The following PLCG1 variants were observed in gnomAD, a reference collection of about 807,000 sequenced individuals.
PLCG1 encodes phospholipase C gamma 1.
PLCG1 carries 71 observed loss-of-function variants against 177.8 expected under a neutral mutation model. The observed-to-expected ratio is 0.40, with a 90% CI of 0.33 to 0.49. The LOEUF is 0.49. Ranked by LOEUF, PLCG1 falls within the 20% of genes least tolerant of loss-of-function variation. The pLI is 0.72. For missense variants in PLCG1, 1,281 were observed against 1,709.0 expected, an observed-to-expected ratio of 0.75 and a Z score of 4.42; for synonymous variants, 658 against 647.9, an observed-to-expected ratio of 1.02 and a Z score of -0.24.
chr20:41,168,525 C>T (rs1169469873), intron 20 of PLCG1, among the ~76,000 whole-genome samples: 1 of 152,244 alleles, frequency 6.6e-6, no homozygotes, highest in Non-Finnish European at 1.5e-5. Context: ...CTTAAGGTTC[C>T]ACCTGGGTCC....
rs1402009869 is a variant in PLCG1 at position 41,165,603 on chromosome 20, G to A, written c.1612-36G>A. The A allele has an allele frequency of 6.2e-7, 1 of 1,611,928 alleles. No individual in the cohort carries two copies. The highest frequency in any genetic ancestry group is 8.5e-7 in the Non-Finnish European group (1 of 1,178,364). On this transcript the variant is annotated intron_variant, in intron 15 of 31. Coordinates refer to ENST00000685551, the MANE Select transcript of PLCG1 (RefSeq NM_002660.3). The surrounding 1 kb of genome is among the most constrained non-coding windows in gnomAD (Gnocchi z 6.6). ...CTGGGCCAGGTCAGGCCTGGGCCAGGGTCACAGTATCTTTGCTGTTGCCTT... is the reference window on the plus strand; with the variant it reads ...CTGGGCCAGGTCAGGCCTGGGCCAGAGTCACAGTATCTTTGCTGTTGCCTT...
At position 41,167,871 on chromosome 20, in the gene PLCG1, T is replaced by C. The variant is rs1343930332; in HGVS notation, c.2321T>C (p.Leu774Pro). The C allele has an allele frequency of 6.2e-7, 1 of 1,613,358 alleles. No homozygotes were observed. The highest frequency in any genetic ancestry group is 1.3e-5 in the African/African-American group (1 of 74,878). Residue 774 changes from leucine (L) to proline (P), a missense_variant, in exon 20 of 32, where the codon CTG (leucine) becomes CCG (proline). This residue lies in a region of PLCG1 where 723 missense variants were observed against 1,030.0 expected (regional missense o/e 0.70). Transcript: ENST00000685551. The surrounding 1 kb of genome is among the most constrained non-coding windows in gnomAD (Gnocchi z 4.4). The stretch of plus-strand genomic sequence containing the variant: ...TTCCAGGAGCCTGACTACGGGGCCC[T>C]GTATGAGGGACGCAACCCTGGCTTC... ...IGTAEPDYGALYEGRNPGFYV... is the reference protein window; with the variant it reads ...IGTAEPDYGAPYEGRNPGFYV...
Position 41,174,299 on chromosome 20 carries a change from G to A in PLCG1, c.3821G>A (p.Ser1274Asn). 7 of 1,613,776 alleles carry A rather than the reference G, an allele frequency of 4.3e-6. No individual in the cohort carries two copies. Among genetic ancestry groups the A allele is most frequent in the Middle Eastern group, 3.3e-4 (2 of 6,058 alleles). ...SQEHLADHFD[S>N]RERRAPRRTR... The stretch of plus-strand genomic sequence containing the variant: ...GAGCATCTCGCAGACCATTTTGACA[G>A]TCGAGAACGAAGGTGAGGAAGATGG... Residue 1274 changes from serine to asparagine, a missense_variant, in exon 31 of 32, where the codon AGT becomes AAT. Ser to Asn is a conservative substitution (Grantham distance 46, BLOSUM62 1). Around this residue, in one of 4 missense-constraint regions of PLCG1, gnomAD observed 153 missense variants for 153.2 expected, o/e 1.00. Coordinates refer to ENST00000685551, the MANE Select transcript of PLCG1 (RefSeq NM_002660.3). This position sits in a 1 kb window ranked among gnomAD's most constrained non-coding sequence, Gnocchi z 5.8.
Position 41,172,442 on chromosome 20 carries a change from G to C in PLCG1, c.2927G>C (p.Cys976Ser). 1 of 1,614,158 alleles carries C rather than the reference G, an allele frequency of 6.2e-7. No homozygotes were observed. The highest frequency in any genetic ancestry group is 8.5e-7 in the Non-Finnish European group (1 of 1,180,006). Residue 976 changes from cysteine to serine, a missense_variant, in exon 26 of 32, where the codon TGC becomes TCC. This residue lies in a region of PLCG1 where 723 missense variants were observed against 1,030.0 expected (regional missense o/e 0.70). Transcript: ENST00000685551. This position sits in a 1 kb window ranked among gnomAD's most constrained non-coding sequence, Gnocchi z 7.0. ...CCAGAGATTGGCACAGAACGTGCTT[G>C]CTACCGGGACATGTCATCCTTCCCG... is the stretch of plus-strand genomic sequence containing the variant. Reference protein sequence around the residue: ...DEEKIGTERACYRDMSSFPET... With the variant: ...DEEKIGTERASYRDMSSFPET...
chr20:41,141,150 G>C (rs575099499), intron 1 of PLCG1, among the ~76,000 whole-genome samples: 2 of 152,208 alleles, frequency 1.3e-5, no homozygotes, highest in South Asian at 4.1e-4. Flanking sequence ...GTCCATTTGA[G>C]GGTCTTTGTG....
intron 21 of PLCG1, 89 bp from the exon 22 acceptor site, chr20:41,168,990 G>A: frequency 8.2e-7 from 1 of 1,213,954 alleles, no homozygotes; most frequent in Non-Finnish European, 1.2e-6. Context: ...CCTCACCCTG[G>A]CTTAGGCATG....
chr20:41,173,967 G>C lies in PLCG1; in HGVS notation c.3601G>C (p.Glu1201Gln), dbSNP rs760496645. Residue 1201 changes from glutamate (E) to glutamine (Q), a missense_variant, in exon 30 of 32, where the codon GAG becomes CAG. Glu to Gln is a conservative substitution (Grantham distance 29). Transcript: ENST00000685551. This position sits in a 1 kb window ranked among gnomAD's most constrained non-coding sequence, Gnocchi z 6.2. ...GAAGAACAACTACAGTGAGGACCTG[G>C]AGTTGGCCTCCCTGCTGATCAAGAT... Reference protein sequence around the residue: ...PLKNNYSEDLELASLLIKIDI... With the variant: ...PLKNNYSEDLQLASLLIKIDI... 6.2e-7 allele frequency: 1 copy of C among 1,614,150 alleles called. No homozygotes were observed. Among genetic ancestry groups the C allele is most frequent in the South Asian group, 1.1e-5 (1 of 91,082 alleles).
In PLCG1 at chr20:41,167,382, G is replaced by T. The variant is rs761164900; in HGVS notation, c.2302-470G>T. 7.9e-5 allele frequency among the ~76,000 whole-genome samples: 12 copies of T among 152,190 alleles called. No homozygotes were observed. The highest frequency in any genetic ancestry group is 1.5e-4 in the Non-Finnish European group (10 of 68,042). Reference sequence around the variant, plus strand: ...GAAGATCAGTTGAGAGACTGCTGTCGTCAGTAGACAGGGCTGGCTGGGGAG... The same window carrying T: ...GAAGATCAGTTGAGAGACTGCTGTCTTCAGTAGACAGGGCTGGCTGGGGAG... On this transcript the variant is annotated intron_variant, in intron 19 of 31. Coordinates refer to ENST00000685551, the MANE Select transcript of PLCG1 (RefSeq NM_002660.3). The surrounding 1 kb of genome is among the most constrained non-coding windows in gnomAD (Gnocchi z 4.4).
At position 41,169,173 on chromosome 20, in the gene PLCG1, G is replaced by C. The variant is rs535930903; in HGVS notation, c.2578G>C (p.Glu860Gln). Reference protein sequence around the residue: ...VNPVALEPEREHLDENSPLGD... With the variant: ...VNPVALEPERQHLDENSPLGD... ...CCCCGTGGCCCTGGAGCCGGAGAGG[G>C]AGGTAAGACCAGAACCACCTGAGTA... The change falls in exon 22 of 32, where the codon GAG (glutamate) becomes CAG (glutamine). Residue 860 changes from glutamate to glutamine, a missense_variant and splice_region_variant. Glu to Gln is a conservative substitution (Grantham distance 29). This residue lies in a region of PLCG1 where 723 missense variants were observed against 1,030.0 expected (regional missense o/e 0.70). Transcript: ENST00000685551. 6.2e-7 allele frequency: 1 copy of C among 1,606,196 alleles called. No individual in the cohort carries two copies. Among genetic ancestry groups the C allele is most frequent in the Non-Finnish European group, 8.5e-7 (1 of 1,172,810 alleles).
In PLCG1 at chr20:41,172,800, A is replaced by G. The variant is rs754398342; in HGVS notation, c.3202A>G (p.Thr1068Ala). The G allele has an allele frequency of 6.2e-7, 1 of 1,614,154 alleles. No homozygotes were observed. Among genetic ancestry groups the G allele is most frequent in the South Asian group, 1.1e-5 (1 of 91,086 alleles). The change falls in exon 27 of 32, where the codon ACC becomes GCC. Residue 1068 changes from threonine to alanine, a missense_variant. Coordinates refer to ENST00000685551, the MANE Select transcript of PLCG1 (RefSeq NM_002660.3). This position sits in a 1 kb window ranked among gnomAD's most constrained non-coding sequence, Gnocchi z 7.0. ...RHCGYVLQPS[T>A]MRDEAFDPFD... ...CTGTGGCTACGTGCTGCAGCCAAGC[A>G]CCATGCGGGATGAGGCCTTCGACCC...
Position 41,177,454 on chromosome 20 carries a change from C to T in PLCG1, c.*2945C>T, listed in dbSNP as rs1322242805. On this transcript the variant is annotated 3_prime_UTR_variant, in exon 32 of 32. Coordinates refer to ENST00000685551, the MANE Select transcript of PLCG1 (RefSeq NM_002660.3). The stretch of plus-strand genomic sequence containing the variant: ...CTTGAACATCACCTGAGAGCTTGAA[C>T]ATCACTAAGGACCTAGACACTCACT... The T allele has an allele frequency of 1.3e-5, 2 of 152,368 alleles. No homozygotes were observed. The highest frequency in any genetic ancestry group is 3.9e-4 in the East Asian group (2 of 5,184). 9.4% of individuals were successfully genotyped at this position (152,368 alleles called of 1,614,324 possible).
In PLCG1 at chr20:41,162,673, A is replaced by G. The variant is rs199826230; in HGVS notation, c.629A>G (p.Tyr210Cys). ...DLEQRSGDIT[Y>C]GQFAQLYRSL... ...GAGCAGCGCAGCGGGGACATCACCT[A>G]CGGGCAGTTTGCTCAGCTGTACCGC... Residue 210 changes from tyrosine (Y) to cysteine (C), a missense_variant, in exon 6 of 32, where the codon TAC becomes TGC. Tyr to Cys is a radical substitution (Grantham distance 194). Transcript: ENST00000685551. 6.2e-7 allele frequency: 1 copy of G among 1,614,038 alleles called. No individual in the cohort carries two copies. The highest frequency in any genetic ancestry group is 2.2e-5 in the East Asian group (1 of 44,876).
At position 41,166,999 on chromosome 20, in the gene PLCG1, C is replaced by T; in HGVS notation, c.2301+140C>T. On this transcript the variant is annotated intron_variant, in intron 19 of 31. Coordinates refer to ENST00000685551, the MANE Select transcript of PLCG1 (RefSeq NM_002660.3). The surrounding 1 kb of genome is among the most constrained non-coding windows in gnomAD (Gnocchi z 8.6). ...AGGGCCCCTGACTCCAGCTGGGAGC[C>T]ACAGTGTGGGTACCAGGAGGGTGTC... 1 of 751,136 alleles carries T rather than the reference C, an allele frequency of 1.3e-6. No homozygotes were observed. The highest frequency in any genetic ancestry group is 2.3e-6 in the Non-Finnish European group (1 of 442,220). The allele number at this position is 751,136 out of a possible 1,614,324, so 46.5% of individuals were successfully genotyped here.
chr20:41,143,454 C>A (rs1000454639), intron 1 of PLCG1, among the ~76,000 whole-genome samples: 1 of 152,238 alleles, frequency 6.6e-6, no homozygotes, highest in East Asian at 1.9e-4. Context: ...TGAGGAGAGT[C>A]CTAGGAGAGA....
rs6065317 is a variant in PLCG1 at position 41,166,662 on chromosome 20, G to C, written c.2121-17G>C. On this transcript the variant is annotated splice_polypyrimidine_tract_variant and intron_variant, in intron 18 of 31. Transcript: ENST00000685551. The surrounding 1 kb of genome is among the most constrained non-coding windows in gnomAD (Gnocchi z 8.6). ...TGAGCTGCCCTGACCCTGTGTGACT[G>C]TTTTGTCCTTGTGAAGGGCTGAGGG... The C allele has an allele frequency of 9.9e-6, 16 of 1,614,010 alleles. No homozygotes were observed. Among genetic ancestry groups the C allele is most frequent in the Non-Finnish European group, 1.4e-5 (16 of 1,180,022 alleles).
At chr20:41,168,916 AG>A (rs1366397820) in intron 21 of PLCG1, 46 bp downstream of exon 21, 8 of 1,360,430 alleles carry the variant, frequency 5.9e-6, no homozygotes, top group Admixed American at 3.5e-5. Context: ...GCCCCAGTGG[AG>A]CTGGGGCCCC....
intron 1 of PLCG1, among the ~76,000 whole-genome samples, chr20:41,154,366 C>G (rs932619719): frequency 2.6e-5 from 4 of 152,230 alleles, no homozygotes; most frequent in Non-Finnish European, 5.9e-5. Context: ...TCCCTCTCCC[C>G]CTTCTAGGGC....
rs1162499923 is a variant in PLCG1 at position 41,164,622 on chromosome 20, C to T, written c.1218-311C>T. 6.6e-6 allele frequency among the ~76,000 whole-genome samples: 1 copy of T among 152,124 alleles called. No individual in the cohort carries two copies. The highest frequency in any genetic ancestry group is 1.5e-5 in the Non-Finnish European group (1 of 68,030). On this transcript the variant is annotated intron_variant, in intron 12 of 31. Coordinates refer to ENST00000685551, the MANE Select transcript of PLCG1 (RefSeq NM_002660.3). This position sits in a 1 kb window ranked among gnomAD's most constrained non-coding sequence, Gnocchi z 6.4. ...CTCCCTTAGCTCACCAGGGCTCTAA[C>T]AGCTAACTTTGGAGGCTTCTCCTCT...
In PLCG1 at chr20:41,165,040, T is replaced by C; in HGVS notation, c.1325T>C (p.Val442Ala). ...VLGDTLLTKP[V>A]EISADGLPSP... is the part of the protein sequence containing the mutation. ...GGGGACACACTCCTCACCAAGCCCG[T>C]GGAGATCTCTGCCGACGGGCTCCCC... Residue 442 changes from valine to alanine, a missense_variant, in exon 13 of 32, where the codon GTG becomes GCG. Val to Ala is a moderately conservative substitution (Grantham distance 64, BLOSUM62 0). Coordinates refer to ENST00000685551, the MANE Select transcript of PLCG1 (RefSeq NM_002660.3). The surrounding 1 kb of genome is among the most constrained non-coding windows in gnomAD (Gnocchi z 6.6). The C allele has an allele frequency of 6.2e-7, 1 of 1,614,104 alleles. No homozygotes were observed. The highest frequency in any genetic ancestry group is 2.2e-5 in the East Asian group (1 of 44,892).
Sources: allele counts gnomAD v4.1 joint callset (sites outside exome capture counted in the v4.1 genomes callset), GRCh38; gene constraint gnomAD v4.1.1; regional missense constraint gnomAD v4.1.1; non-coding constraint Gnocchi (gnomAD v3.1); transcripts MANE v1.5; gene names NCBI Gene and HGNC (gene_info 2026-07-23, HGNC 2026-07-21).